Variants in NKAIN3 observed in about 807,000 individuals in gnomAD.
NKAIN3 encodes sodium/potassium transporting ATPase interacting 3.
In NKAIN3, 25 loss-of-function variants were observed where a neutral mutation model predicts 30.2. That is an observed-to-expected ratio of 0.83 (90% CI 0.60 to 1.16). The LOEUF (loss-of-function observed/expected upper bound fraction) is 1.16. NKAIN3 is among the 50% of genes most tolerant of loss of function. NKAIN3 has a pLI of 0.00. For synonymous variants in NKAIN3, 91 were observed against 89.6 expected (o/e 1.02, Z -0.09); for missense variants, 225 against 254.1 (o/e 0.89, Z 0.78).
At chr8:62,293,931 C>T (rs1012657969) in intron 1 of NKAIN3, among the ~76,000 whole-genome samples, 4 of 152,190 alleles carry the variant, frequency 2.6e-5, no homozygotes, top group Non-Finnish European at 5.9e-5. Flanking sequence ...CAAGCCTCAG[C>T]AATGGCAGAC....
chr8:62,683,733 C>T (rs963878062), intron 3 of NKAIN3, among the ~76,000 whole-genome samples: 1 of 152,112 alleles, frequency 6.6e-6, no homozygotes, highest in Non-Finnish European at 1.5e-5. Flanking sequence ...TTCTGCCCCA[C>T]CCTGAGAAGA....
At chr8:62,787,314 C>T (rs1817553994) in intron 4 of NKAIN3, among the ~76,000 whole-genome samples, 1 of 152,006 alleles carries the variant, frequency 6.6e-6, no homozygotes, top group East Asian at 1.9e-4. Flanking sequence ...AAGATTTAGG[C>T]AGCTAGCAAT....
chr8:62,908,659 C>A (rs1821849779), intron 4 of NKAIN3, among the ~76,000 whole-genome samples: 2 of 152,242 alleles, frequency 1.3e-5, no homozygotes, highest in South Asian at 4.2e-4. Context: ...CACTCTCTTG[C>A]CTCCCACCAT....
At chr8:62,277,362 G>A (rs964428100) in intron 1 of NKAIN3, among the ~76,000 whole-genome samples, 4 of 152,086 alleles carry the variant, frequency 2.6e-5, no homozygotes, top group African/African-American at 9.7e-5. Context: ...TTAGACCTAG[G>A]TAGAATTGTG....
At chr8:62,780,633 T>TATG (rs1204844469) in intron 4 of NKAIN3, among the ~76,000 whole-genome samples, 11 of 152,166 alleles carry the variant, frequency 7.2e-5, no homozygotes, top group African/African-American at 2.4e-4. Flanking sequence ...TGGTTCAAAA[T>TATG]ATGAAAATCA....
rs537442891 is a variant in NKAIN3 at position 62,900,525 on chromosome 8, G to A, written c.472-17928G>A. Among the ~76,000 whole-genome samples the A allele has an allele frequency of 5.3e-5, 8 of 152,252 alleles. No individual in the cohort carries two copies. The South Asian group carries it at 1.7e-3, about 32-fold the overall frequency. Reference sequence around the variant, plus strand: ...AGAGTGTCCCTACCTAAGTGGTTTGGGGACATGTTAATTAAACTCTGTGCC... The same window carrying A: ...AGAGTGTCCCTACCTAAGTGGTTTGAGGACATGTTAATTAAACTCTGTGCC... On this transcript the variant is annotated intron_variant, in intron 4 of 6. Coordinates refer to ENST00000623646, the MANE Select transcript of NKAIN3 (RefSeq NM_001304533.3).
At chr8:62,915,829 CT>C (rs1209898109) in intron 4 of NKAIN3, among the ~76,000 whole-genome samples, 3 of 152,136 alleles carry the variant, frequency 2.0e-5, no homozygotes, top group Admixed American at 6.6e-5. Flanking sequence ...ACAGCAAAGG[CT>C]TTTTCCCCCA....
At chr8:62,526,550 T>C (rs1343424024) in intron 1 of NKAIN3, among the ~76,000 whole-genome samples, 1 of 152,190 alleles carries the variant, frequency 6.6e-6, no homozygotes, top group East Asian at 1.9e-4. Flanking sequence ...ATTTGACACA[T>C]GCCTCTCAGA....
intron 5 of NKAIN3, among the ~76,000 whole-genome samples, chr8:62,945,633 G>C (rs1288158797): frequency 6.6e-6 from 1 of 152,146 alleles, no homozygotes; most frequent in African/African-American, 2.4e-5. Context: ...TTGGAATTGA[G>C]TCTCTTGAAA....
chr8:62,422,940 G>C (rs983003969), intron 1 of NKAIN3, among the ~76,000 whole-genome samples: 3 of 152,088 alleles, frequency 2.0e-5, no homozygotes, highest in African/African-American at 7.2e-5. Context: ...AAATAAGTTT[G>C]TCACTTATGC....
intron 1 of NKAIN3, among the ~76,000 whole-genome samples, chr8:62,273,034 C>A (rs1028018948): frequency 2.0e-5 from 3 of 152,122 alleles, no homozygotes; most frequent in African/African-American, 7.2e-5. Flanking sequence ...ACAGCTGTAG[C>A]ATGTAGCCAT....
intron 4 of NKAIN3, among the ~76,000 whole-genome samples, chr8:62,857,343 G>T (rs1381553082): frequency 6.6e-6 from 1 of 152,116 alleles, no homozygotes; most frequent in Non-Finnish European, 1.5e-5. Context: ...TCTTTTCATG[G>T]AGTATCTTAC....
In NKAIN3 at chr8:62,934,871, A is replaced by T. The variant is rs1822734066; in HGVS notation, c.532+16358A>T. ...GTAGAAAATGAAAGCAATGCCAGTCAAAAGCTAAAGGAAAGGTGAGCAGGA... is the reference window on the plus strand; with the variant it reads ...GTAGAAAATGAAAGCAATGCCAGTCTAAAGCTAAAGGAAAGGTGAGCAGGA... On this transcript the variant is annotated intron_variant, in intron 5 of 6. Transcript: ENST00000623646. Among the ~76,000 whole-genome samples the T allele has an allele frequency of 3.3e-5, 5 of 152,118 alleles. No individual in the cohort carries two copies. The South Asian group carries it at 1.0e-3, about 32-fold the overall frequency.
intron 1 of NKAIN3, among the ~76,000 whole-genome samples, chr8:62,285,051 T>A (rs962742704): frequency 6.6e-5 from 10 of 152,172 alleles, no homozygotes; most frequent in African/African-American, 2.4e-4. Flanking sequence ...TATATTGCTA[T>A]TTTTAGAAAC....
rs1823916334 is a variant in NKAIN3 at position 62,975,220 on chromosome 8, G to A, written c.*9813G>A. Among the ~76,000 whole-genome samples the A allele has an allele frequency of 6.6e-6, 1 of 152,078 alleles. No individual in the cohort carries two copies. The highest frequency in any genetic ancestry group is 1.5e-5 in the Non-Finnish European group (1 of 68,004). ...TCTGTCTTTTCTACTGTTTGGAATA[G>A]TTTCAGAAGGAATGGTACCAGCTCC... On this transcript the variant is annotated 3_prime_UTR_variant, in exon 7 of 7. Coordinates refer to ENST00000623646, the MANE Select transcript of NKAIN3 (RefSeq NM_001304533.3).
chr8:62,473,997 C>G (rs1024094736), intron 1 of NKAIN3: 1 of 152,112 alleles, frequency 6.6e-6, no homozygotes, highest in Non-Finnish European at 1.5e-5. Context: ...TATCGAGCAA[C>G]CTTACTTCCT....
intron 1 of NKAIN3, among the ~76,000 whole-genome samples, chr8:62,286,582 A>G (rs1372088977): frequency 1.3e-5 from 2 of 152,164 alleles, no homozygotes; most frequent in African/African-American, 4.8e-5. Flanking sequence ...CATCACTTTC[A>G]AATAGTATTC....
At chr8:62,811,341 GT>G (rs1818482061) in intron 4 of NKAIN3, among the ~76,000 whole-genome samples, 1 of 151,976 alleles carries the variant, frequency 6.6e-6, no homozygotes, top group Non-Finnish European at 1.5e-5. Flanking sequence ...TTATGTAAAG[GT>G]TTTTATGTGA....
intron 5 of NKAIN3, among the ~76,000 whole-genome samples, chr8:62,933,039 A>G (rs1359472183): frequency 9.4e-6 from 1 of 106,310 alleles, no homozygotes. Context: ...CCAGGGAATG[A>G]GAGAATTGAT....
Sources: allele counts gnomAD v4.1 joint callset (sites outside exome capture counted in the v4.1 genomes callset), GRCh38; gene constraint gnomAD v4.1.1; transcripts MANE v1.5; gene names NCBI Gene and HGNC (gene_info 2026-07-23, HGNC 2026-07-21).